ANKRD45: variants seen among roughly 807,000 people sequenced by gnomAD.
The protein encoded by ANKRD45 is ankyrin repeat domain-containing protein 45.
ANKRD45 carries 21 observed loss-of-function variants against 28.1 expected under a neutral mutation model. The observed-to-expected ratio is 0.75, with a 90% confidence interval of 0.53 to 1.08. ANKRD45 has a LOEUF of 1.08. ANKRD45 is among the 50% of genes least tolerant of loss of function. The probability of loss-of-function intolerance (pLI) is 0.00; values close to 1 mark genes in which losing one functional copy is unlikely to be tolerated. For missense variants in ANKRD45, 261 were observed against 308.7 expected (o/e 0.85, Z 1.16); for synonymous variants, 86 against 103.9 (o/e 0.83, Z 1.05).
At chr1:173,638,706 A>G (rs916387987) in intron 3 of ANKRD45, among the ~76,000 whole-genome samples, 6 of 152,218 alleles carry the variant, frequency 3.9e-5, no homozygotes, top group African/African-American at 9.6e-5. Flanking sequence ...AGTTAGAGCT[A>G]TTTTAAATCA....
intron 5 of ANKRD45, among the ~76,000 whole-genome samples, chr1:173,616,317 G>T (rs1011202067): frequency 6.6e-6 from 1 of 151,828 alleles, no homozygotes; most frequent in African/African-American, 2.4e-5. Flanking sequence ...AACCCAACCT[G>T]CCCTGCCCCC....
chr1:173,698,462 A>G, the ANKRD45 span, among the ~76,000 whole-genome samples: 1 of 152,180 alleles, frequency 6.6e-6, no homozygotes, highest in Admixed American at 6.5e-5. Context: ...ACAAATCACA[A>G]CAAACTGTCT....
chr1:173,688,481 T>TCTCTCTCTGCCTCTTC, the ANKRD45 span, among the ~76,000 whole-genome samples: 34 of 148,798 alleles, frequency 2.3e-4, no homozygotes, highest in Admixed American at 1.1e-3. Flanking sequence ...CCTCTTCCTC[T>TCTCTCTCTGCCTCTTC]CTCTCTCTGC....
At chr1:173,647,825 GC>G (rs1230793858) in intron 2 of ANKRD45, among the ~76,000 whole-genome samples, 4 of 152,050 alleles carry the variant, frequency 2.6e-5, no homozygotes, top group African/African-American at 9.7e-5. Flanking sequence ...TCACTCTGTT[GC>G]CCAGTTTAGA....
chr1:173,625,404 C>T (rs1167600656), intron 4 of ANKRD45, among the ~76,000 whole-genome samples: 1 of 152,106 alleles, frequency 6.6e-6, no homozygotes, highest in African/African-American at 2.4e-5. Context: ...ATTTTATTCC[C>T]TCTCAAATGG....
chr1:173,616,808 G>C (rs981340390), intron 5 of ANKRD45, among the ~76,000 whole-genome samples: 70 of 152,300 alleles, frequency 4.6e-4, no homozygotes, highest in African/African-American at 1.6e-3. Context: ...AGTGAATTCA[G>C]CACCTTCAAA....
At chr1:173,654,959 T>A (rs769048503) in intron 2 of ANKRD45, among the ~76,000 whole-genome samples, 1 of 152,204 alleles carries the variant, frequency 6.6e-6, no homozygotes, top group Non-Finnish European at 1.5e-5. Flanking sequence ...GGTCATTTAA[T>A]GTCTTCTCTA....
rs557098259 is a variant in ANKRD45 at position 173,665,765 on chromosome 1, T to C, written c.-16+4052A>G. Among the ~76,000 whole-genome samples the C allele has an allele frequency of 2.6e-5, 4 of 152,048 alleles. No homozygotes were observed. In the East Asian group the frequency reaches 7.7e-4, roughly 29 times the overall value. On this transcript the variant is annotated intron_variant, in intron 1 of 5. Coordinates refer to ENST00000333279, the MANE Select transcript of ANKRD45 (RefSeq NM_198493.3). ...GGCTCACACCTGTAATCCCAGCAGTTTGGGGGACTGAGGTGAGTGGATCAC... is the reference window on the plus strand; with the variant it reads ...GGCTCACACCTGTAATCCCAGCAGTCTGGGGGACTGAGGTGAGTGGATCAC...
At chr1:173,658,040 T>C (rs928515800) in intron 2 of ANKRD45, 2 of 152,244 alleles carry the variant, frequency 1.3e-5, no homozygotes, top group African/African-American at 2.4e-5. Flanking sequence ...AAGTGTGTTC[T>C]TGGCTGGATG....
chr1:173,625,514 A>G (rs1315159182), intron 4 of ANKRD45, among the ~76,000 whole-genome samples: 3 of 152,160 alleles, frequency 2.0e-5, no homozygotes, highest in African/African-American at 7.2e-5. Flanking sequence ...CATATGCAGC[A>G]AATTTCTGAT....
intron 3 of ANKRD45, among the ~76,000 whole-genome samples, chr1:173,641,432 G>C (rs140673861): frequency 1.6e-3 from 238 of 152,284 alleles, no homozygotes; most frequent in African/African-American, 5.5e-3. Context: ...GTCAGGCCCA[G>C]AGGGCAATCC....
intron 5 of ANKRD45, among the ~76,000 whole-genome samples, chr1:173,613,621 G>A (rs1667321377): frequency 2.1e-5 from 3 of 140,770 alleles, no homozygotes; most frequent in Admixed American, 2.0e-4. Flanking sequence ...CCCACGCCCG[G>A]CCAGCTGCCC....
intron 3 of ANKRD45, chr1:173,635,778 T>C (rs770731893): frequency 1.0e-4 from 158 of 1,535,452 alleles, no homozygotes; most frequent in Middle Eastern, 1.7e-4. Context: ...TTACAAGCTG[T>C]CTTCTTCGTC....
chr1:173,695,133 T>TAATA, the ANKRD45 span, among the ~76,000 whole-genome samples: 1 of 152,228 alleles, frequency 6.6e-6, no homozygotes. Flanking sequence ...CATGCTATTA[T>TAATA]AATTTTGTCA....
At chr1:173,702,342 C>T in the ANKRD45 span, among the ~76,000 whole-genome samples, 1 of 152,112 alleles carries the variant, frequency 6.6e-6, no homozygotes, top group African/African-American at 2.4e-5. Context: ...TATTTGAATT[C>T]AAAGTTCAGC....
At chr1:173,654,750 T>C (rs914813677) in intron 2 of ANKRD45, among the ~76,000 whole-genome samples, 3 of 152,240 alleles carry the variant, frequency 2.0e-5, no homozygotes, top group Non-Finnish European at 4.4e-5. Context: ...AATGTAGATT[T>C]GGTCTCTCCA....
intron 1 of ANKRD45, among the ~76,000 whole-genome samples, chr1:173,667,526 A>AC (rs1315266235): frequency 6.6e-6 from 1 of 151,884 alleles, no homozygotes; most frequent in Non-Finnish European, 1.5e-5. Context: ...ATATGGTGAA[A>AC]CCCCGTCTCT....
At chr1:173,656,815 C>G (rs1470018183) in intron 2 of ANKRD45, among the ~76,000 whole-genome samples, 1 of 151,858 alleles carries the variant, frequency 6.6e-6, no homozygotes, top group African/African-American at 2.4e-5. Flanking sequence ...CTGAAAAATC[C>G]AATGTTGGGT....
At chr1:173,620,690 A>G (rs932364276) in intron 5 of ANKRD45, among the ~76,000 whole-genome samples, 7 of 152,130 alleles carry the variant, frequency 4.6e-5, no homozygotes, top group African/African-American at 1.7e-4. Flanking sequence ...ACATGTATAC[A>G]TATGTAACTA....
Sources: allele counts gnomAD v4.1 joint callset (sites outside exome capture counted in the v4.1 genomes callset), GRCh38; gene constraint gnomAD v4.1.1; transcripts MANE v1.5; gene names NCBI Gene and HGNC (gene_info 2026-07-23, HGNC 2026-07-21).